Variants in CYP2C19 observed in about 807,000 individuals in gnomAD.
CYP2C19 encodes cytochrome P450 family 2 subfamily C member 19.
In CYP2C19, 59 loss-of-function variants were observed where a neutral mutation model predicts 40.9. That is an observed-to-expected ratio of 1.44 (90% CI 1.17 to 1.79). The LOEUF (loss-of-function observed/expected upper bound fraction) is 1.79. CYP2C19 is among the 40% of genes most tolerant of loss of function. The pLI, the probability that CYP2C19 is intolerant of heterozygous loss-of-function variation, is 0.00. For synonymous variants in CYP2C19, 253 were observed against 208.7 expected (o/e 1.21, Z -1.83); for missense variants, 754 against 596.9 (o/e 1.26, Z -2.74).
chr10:94,787,321 C>T (rs1243030630), intron 5 of CYP2C19, among the ~76,000 whole-genome samples: 2 of 151,990 alleles, frequency 1.3e-5, no homozygotes, highest in Middle Eastern at 3.2e-3. Flanking sequence ...ATGTTCTTTG[C>T]CCACTTTTTA....
In CYP2C19 at chr10:94,833,453, C is replaced by CT. The variant is rs536982317; in HGVS notation, c.962-9375dup. ...CCTTCTATCTCAAGTGTTTTTTTTT[C>CT]TTTTTTTTTATTATACTTTAAGATT... On this transcript the variant is annotated intron_variant, in intron 6 of 8. Transcript: ENST00000371321. Among the ~76,000 whole-genome samples, 355 of 149,326 alleles carry CT rather than the reference C, an allele frequency of 2.4e-3. 1 individual carries two copies. Among genetic ancestry groups the CT allele is most frequent in the Non-Finnish European group, 3.3e-3 (224 of 67,224 alleles).
At chr10:94,804,117 G>C (rs1848801785) in intron 5 of CYP2C19, among the ~76,000 whole-genome samples, 1 of 152,102 alleles carries the variant, frequency 6.6e-6, no homozygotes, top group Non-Finnish European at 1.5e-5. Flanking sequence ...CTGAGTGCCT[G>C]GAGCTCTGCT....
intron 6 of CYP2C19, among the ~76,000 whole-genome samples, chr10:94,826,476 T>G (rs1158479873): frequency 5.3e-5 from 8 of 152,200 alleles, no homozygotes; most frequent in Non-Finnish European, 1.0e-4. Flanking sequence ...TGTTGGTGTA[T>G]AAGAATGCTT....
Position 94,853,013 on chromosome 10 carries a change from C to G in CYP2C19, c.*99C>G. On this transcript the variant is annotated 3_prime_UTR_variant, in exon 9 of 9. Coordinates refer to ENST00000371321, the MANE Select transcript of CYP2C19 (RefSeq NM_000769.4). ...TGTGATGCTTCTTCTGACCCGTCAT[C>G]TCACATTTTCCCTTCCCCCAAGATC... The G allele has an allele frequency of 7.6e-7, 1 of 1,320,962 alleles. No homozygotes were observed. Among genetic ancestry groups the G allele is most frequent in the Non-Finnish European group, 1.1e-6 (1 of 950,476 alleles). 81.8% of individuals were successfully genotyped at this position (1,320,962 alleles called of 1,614,324 possible).
chr10:94,771,944 C>T (rs866616200), intron 1 of CYP2C19, among the ~76,000 whole-genome samples: 29 of 152,030 alleles, frequency 1.9e-4, no homozygotes, highest in African/African-American at 6.3e-4. Flanking sequence ...AACGTGTACC[C>T]CTGCCTGTCC....
At position 94,785,347 on chromosome 10, in the gene CYP2C19, G is replaced by A. The variant is rs527437377; in HGVS notation, c.819+3350G>A. ...CAGTTATATTTTTCATTTGGAGTGA[G>A]GTAGGGTAGGTCCCAGCTACATTCT... is the stretch of plus-strand genomic sequence containing the variant. On this transcript the variant is annotated intron_variant, in intron 5 of 8. Coordinates refer to ENST00000371321, the MANE Select transcript of CYP2C19 (RefSeq NM_000769.4). Among the ~76,000 whole-genome samples, 70 of 152,138 alleles carry A rather than the reference G, an allele frequency of 4.6e-4. 1 individual carries two copies. The highest frequency in any genetic ancestry group is 1.5e-3 in the African/African-American group (63 of 41,522).
At chr10:94,822,742 T>G (rs1849145305) in intron 6 of CYP2C19, among the ~76,000 whole-genome samples, 1 of 152,210 alleles carries the variant, frequency 6.6e-6, no homozygotes, top group Non-Finnish European at 1.5e-5. Flanking sequence ...CTCTTGTTTT[T>G]GGACTTTTTA....
At chr10:94,844,913 C>T (rs1849549373) in intron 7 of CYP2C19, among the ~76,000 whole-genome samples, 1 of 152,172 alleles carries the variant, frequency 6.6e-6, no homozygotes, top group Admixed American at 6.6e-5. Flanking sequence ...GCTTTGGTGA[C>T]CTGTTGAAGG....
intron 1 of CYP2C19, among the ~76,000 whole-genome samples, chr10:94,769,937 T>C (rs1428959094): frequency 6.6e-6 from 1 of 152,128 alleles, no homozygotes; most frequent in Non-Finnish European, 1.5e-5. Flanking sequence ...GTGTGGGACT[T>C]TCAGACATAA....
intron 6 of CYP2C19, among the ~76,000 whole-genome samples, chr10:94,830,889 A>G (rs766831910): frequency 3.0e-4 from 46 of 152,134 alleles, no homozygotes; most frequent in Non-Finnish European, 6.0e-4. Flanking sequence ...GCCCTCAAGC[A>G]TTTATTGAGT....
chr10:94,777,852 C>T (rs538993689), intron 3 of CYP2C19, among the ~76,000 whole-genome samples: 16 of 152,070 alleles, frequency 1.1e-4, no homozygotes, highest in Non-Finnish European at 1.9e-4. Context: ...TAAGAGTGAA[C>T]AGGCAACCTA....
chr10:94,846,973 G>A (rs898819186), intron 7 of CYP2C19, among the ~76,000 whole-genome samples: 33 of 151,990 alleles, frequency 2.2e-4, no homozygotes, highest in Non-Finnish European at 4.3e-4. Flanking sequence ...AGAAGACGTC[G>A]TTTGAAGCTC....
chr10:94,803,629 T>A (rs1158918738), intron 5 of CYP2C19, among the ~76,000 whole-genome samples: 1 of 152,168 alleles, frequency 6.6e-6, no homozygotes, highest in South Asian at 2.1e-4. Context: ...AATAATCCAG[T>A]GGGCAGACTT....
chr10:94,848,800 G>T (rs1029190967), intron 7 of CYP2C19, among the ~76,000 whole-genome samples: 8 of 152,272 alleles, frequency 5.3e-5, no homozygotes, highest in East Asian at 1.9e-4. Context: ...CACGTCCCTT[G>T]TAAGTTGGAT....
At chr10:94,830,436 C>T (rs1849315075) in intron 6 of CYP2C19, among the ~76,000 whole-genome samples, 1 of 152,198 alleles carries the variant, frequency 6.6e-6, no homozygotes, top group African/African-American at 2.4e-5. Context: ...CGTCTGTCAC[C>T]CCTTTCTTTG....
chr10:94,775,475 G>A lies in CYP2C19; in HGVS notation c.417G>A (p.Arg139=), dbSNP rs140736981. The change falls in exon 3 of 9, where the codon AGG becomes AGA. Residue 139 remains arginine (R), a synonymous_variant. Transcript: ENST00000371321. ...TGCGGAATTTTGGGATGGGGAAGAG[G>A]AGCATTGAGGACCGTGTTCAAGAGG... ...MTLRNFGMGK[R]SIEDRVQEEA... is the part of the protein sequence containing the mutation. The A allele has an allele frequency of 4.4e-5, 71 of 1,613,964 alleles. No individual in the cohort carries two copies. The highest frequency in any genetic ancestry group is 5.9e-5 in the Non-Finnish European group (70 of 1,179,996).
At chr10:94,815,799 T>G (rs1302818071) in intron 5 of CYP2C19, among the ~76,000 whole-genome samples, 1 of 152,244 alleles carries the variant, frequency 6.6e-6, no homozygotes, top group Non-Finnish European at 1.5e-5. Context: ...TAGGTTTTAC[T>G]GTCATGTTGC....
At chr10:94,826,768 C>T (rs1311031462) in intron 6 of CYP2C19, among the ~76,000 whole-genome samples, 1 of 152,126 alleles carries the variant, frequency 6.6e-6, no homozygotes, top group Non-Finnish European at 1.5e-5. Flanking sequence ...CAGTTTTTGC[C>T]CATTCAGTAT....
At position 94,827,340 on chromosome 10, in the gene CYP2C19, T is replaced by G. The variant is rs555402580; in HGVS notation, c.961+6703T>G. ...TATTGATTATTGCCACAATTTCAGC[T>G]CCTGTTATTGGTCTATTCAGAGATT... On this transcript the variant is annotated intron_variant, in intron 6 of 8. Transcript: ENST00000371321. Among the ~76,000 whole-genome samples the G allele has an allele frequency of 6.6e-5, 10 of 152,094 alleles. No homozygotes were observed. The East Asian group carries it at 1.9e-3, about 29-fold the overall frequency.
Sources: allele counts gnomAD v4.1 joint callset (sites outside exome capture counted in the v4.1 genomes callset), GRCh38; gene constraint gnomAD v4.1.1; transcripts MANE v1.5; gene names NCBI Gene and HGNC (gene_info 2026-07-23, HGNC 2026-07-21).